The following TTN variants were observed in gnomAD, a reference collection of about 807,000 sequenced individuals.
The protein encoded by TTN is connectin.
TTN carries 1,525 observed loss-of-function variants against 3,223.0 expected under a neutral mutation model. That is an observed-to-expected ratio of 0.47 (90% CI 0.45 to 0.49). The LOEUF (loss-of-function observed/expected upper bound fraction) is 0.49, where lower values mean the gene tolerates loss of function less well. TTN is among the 20% of genes least tolerant of loss of function. The probability of loss-of-function intolerance (pLI) is 0.00; values close to 1 mark genes in which losing one functional copy is unlikely to be tolerated. For synonymous variants in TTN, 14,094 were observed against 15,161.0 expected (o/e 0.93, Z 5.17); for missense variants, 40,786 against 43,424.0 (o/e 0.94, Z 5.40).
rs749950083 is a variant in TTN, at chr2:178,563,486, G to A, written c.82646C>T (p.Ala27549Val). ...CTCACTAGGTTCTCCCACACCAGCT[G>A]CATTTTCAGCAGCAACTCTGAATTC... The part of the protein sequence containing the change: ...SYEFRVAAEN[A>V]AGVGEPSEPS... Residue 27549 changes from alanine (A) to valine (V), a missense_variant, in exon 326 of 363, where the codon GCA becomes GTA. By Grantham distance (64) the Ala-to-Val change is moderately conservative. Transcript: ENST00000589042. The surrounding 1 kb of genome is among the most constrained non-coding windows in gnomAD (Gnocchi z 4.5). 3 of 1,613,596 alleles carry A rather than the reference G, an allele frequency of 1.9e-6. No homozygotes were observed. In the Admixed American group the frequency reaches 5.0e-5, roughly 27 times the overall value.
chr2:178,779,976 G>A (rs778380758), intron 22 of TTN, 24 bp downstream of exon 22: 134 of 1,600,156 alleles, frequency 8.4e-5, no homozygotes, highest in Non-Finnish European at 1.1e-4. Context: ...AAATTGTTTG[G>A]TTGGTCATTA....
At chr2:178,578,526 G>C in intron 321 of TTN, 85 bp downstream of exon 321, 1 of 1,020,594 alleles carries the variant, frequency 9.8e-7, no homozygotes, top group Admixed American at 2.3e-5. Context: ...TAATGTTATC[G>C]ATAAGCACAT....
In TTN at chr2:178,532,538, C is replaced by A; in HGVS notation, c.104077G>T (p.Ala34693Ser). The A allele has an allele frequency of 6.2e-7, 1 of 1,613,956 alleles. No homozygotes were observed. The highest frequency in any genetic ancestry group is 1.1e-5 in the South Asian group (1 of 91,090). The change falls in exon 358 of 363, where the codon GCT becomes TCT. Residue 34693 changes from alanine to serine, a missense_variant. Physicochemically the swap from Ala to Ser is moderately conservative, Grantham distance 99. Coordinates refer to ENST00000589042, the MANE Select transcript of TTN (RefSeq NM_001267550.2). Reference protein sequence around the residue: ...LEEELELGFSASPPSRSPPHF... With the variant: ...LEEELELGFSSSPPSRSPPHF... ...GGAGGGCTTCGACTTGGGGGTGAAG[C>A]TGAAAAACCTAACTCAAGCTCTTCT...
chr2:178,799,341 T>G (rs1219182272), intron 6 of TTN, 146 bp downstream of exon 6: 2 of 1,263,030 alleles, frequency 1.6e-6, no homozygotes, highest in Non-Finnish European at 2.2e-6. Flanking sequence ...GTTTGTATGC[T>G]CCCCTAGAGG....
intron 110 of TTN, 25 bp downstream of exon 110, chr2:178,701,503 C>T (rs2074990957): frequency 6.2e-7 from 1 of 1,604,076 alleles, no homozygotes; most frequent in Non-Finnish European, 8.5e-7. Context: ...GCTCCAAGCT[C>T]AGATGTTGAG....
Position 178,536,935 on chromosome 2 carries a change from C to A in TTN, c.100171+3G>T. ...GAAGATACAGAAATCAAGTTGTACT[C>A]ACCAAATGGACTCTTAATGATCACA... On this transcript the variant is annotated splice_donor_region_variant and intron_variant, in intron 356 of 362. Transcript: ENST00000589042. 6.3e-7 allele frequency: 1 copy of A among 1,595,930 alleles called. No individual in the cohort carries two copies.
chr2:178,753,002 G>T, intron 47 of TTN, 122 bp downstream of exon 47: 1 of 723,242 alleles, frequency 1.4e-6, no homozygotes, highest in Non-Finnish European at 2.3e-6. Flanking sequence ...TATACTCTAA[G>T]AGATATATTT....
At chr2:178,703,505 C>T (rs1476042881) in intron 106 of TTN, among the ~76,000 whole-genome samples, 1 of 152,060 alleles carries the variant, frequency 6.6e-6, no homozygotes, top group South Asian at 2.1e-4. Flanking sequence ...TACGAATGGG[C>T]ACCAATAGCT....
rs1223144076 is a variant in TTN at position 178,696,003 on chromosome 2, G to C, written c.31069C>G (p.His10357Asp). 15 of 1,547,620 alleles carry C rather than the reference G, an allele frequency of 9.7e-6. No homozygotes were observed. Among genetic ancestry groups the C allele is most frequent in the Non-Finnish European group, 1.3e-5 (15 of 1,145,524 alleles). The stretch of plus-strand genomic sequence containing the variant: ...TCAAAATCTTCTTCCCATTCCTCGT[G>C]AACTTCTTTTTTAGCTTCTACCTTA... The part of the protein sequence containing the change: ...EIKVEAKKEV[H>D]EEWEEDFEEG... Residue 10357 changes from histidine to aspartate, a missense_variant, in exon 114 of 363, where the codon CAC (histidine) becomes GAC (aspartate). Physicochemically the swap from His to Asp is moderately conservative, Grantham distance 81 (BLOSUM62 -1). Transcript: ENST00000589042.
chr2:178,739,587 G>A lies in TTN; in HGVS notation c.13646C>T (p.Ala4549Val), dbSNP rs1560895836. The A allele has an allele frequency of 6.2e-7, 1 of 1,613,752 alleles. No individual in the cohort carries two copies. The highest frequency in any genetic ancestry group is 2.2e-5 in the East Asian group (1 of 44,826). Residue 4549 changes from alanine to valine, a missense_variant, in exon 48 of 363, where the codon GCC becomes GTC. Coordinates refer to ENST00000589042, the MANE Select transcript of TTN (RefSeq NM_001267550.2). ...NVQSRVKYLD[A>V]TPVTKGVASA... ...AGCAACCCCTTTAGTGACAGGTGTG[G>A]CATCCAAATATTTAACCCTACTTTG...
At chr2:178,604,399 T>C (rs1436091076) in intron 281 of TTN, 94 bp from the exon 282 acceptor site, 3 of 1,049,586 alleles carry the variant, frequency 2.9e-6, no homozygotes, top group Non-Finnish European at 3.8e-6. Context: ...GAGGGATGAC[T>C]GTAAGAAGAA....
intron 1 of TTN, 62 bp from the exon 2 acceptor site, chr2:178,804,717 G>T: frequency 6.9e-7 from 1 of 1,455,862 alleles, no homozygotes; most frequent in South Asian, 1.2e-5. Flanking sequence ...GAGCTGCTTT[G>T]CAGATAGCAG....
In TTN at chr2:178,740,395, C is replaced by T. The variant is rs1043883299; in HGVS notation, c.12838G>A (p.Val4280Ile). The change falls in exon 48 of 363, where the codon GTC becomes ATC. Residue 4280 changes from valine to isoleucine, a missense_variant. Transcript: ENST00000589042. Reference protein sequence around the residue: ...GHVESLQSPDVMISQVNYEPL... With the variant: ...GHVESLQSPDIMISQVNYEPL... ...TCATAGTTTACCTGAGAGATCATGA[C>T]ATCAGGACTCTGGAGACTCTCCACG... 4.3e-6 allele frequency: 7 copies of T among 1,613,156 alleles called. No homozygotes were observed. The African/African-American group carries it at 8.0e-5, about 18-fold the overall frequency.
Position 178,533,863 on chromosome 2 carries a change from A to T in TTN, c.102752T>A (p.Met34251Lys), listed in dbSNP as rs750864230. Residue 34251 changes from methionine to lysine, a missense_variant, in exon 358 of 363, where the codon ATG (methionine) becomes AAG (lysine). Coordinates refer to ENST00000589042, the MANE Select transcript of TTN (RefSeq NM_001267550.2). ...TTCTGGTGGCCTTTCCAGGAGTCTC[A>T]TTGTGTCTGTTCTGCGCTTAATTTT... ...MKKIKRRTDT[M>K]RLLERPPEFT... is the part of the protein sequence containing the mutation. The T allele has an allele frequency of 3.7e-5, 60 of 1,613,728 alleles. 1 individual carries two copies. The Admixed American group carries it at 9.8e-4, about 26-fold the overall frequency.
rs1400528867 is a variant in TTN at position 178,602,062 on chromosome 2, C to T, written c.55209G>A (p.Lys18403=). The part of the protein sequence containing the change: ...GSQIRIPAVI[K]GRPTPKSSWE... ...AAGATGATTTTGGTGTTGGGCGTCCCTTGATGACAGCAGGAATCCTAATCT... is the reference window on the plus strand; with the variant it reads ...AAGATGATTTTGGTGTTGGGCGTCCTTTGATGACAGCAGGAATCCTAATCT... Residue 18403 remains lysine, a synonymous_variant, in exon 284 of 363, where the codon AAG becomes AAA. Transcript: ENST00000589042. The T allele has an allele frequency of 1.2e-6, 2 of 1,612,602 alleles. No individual in the cohort carries two copies. Among genetic ancestry groups the T allele is most frequent in the Non-Finnish European group, 1.7e-6 (2 of 1,179,226 alleles).
intron 26 of TTN, 48 bp from the exon 27 acceptor site, chr2:178,777,365 G>C (rs2092343615): frequency 6.2e-7 from 1 of 1,612,718 alleles, no homozygotes; most frequent in Admixed American, 1.7e-5. Context: ...TGAAATACCT[G>C]TTTATAACCC....
Position 178,574,192 on chromosome 2 carries a change from C to T in TTN, c.71940G>A (p.Leu23980=), listed in dbSNP as rs72646893. Residue 23980 remains leucine (L), a synonymous_variant, in exon 326 of 363, where the codon TTG becomes TTA. Coordinates refer to ENST00000589042, the MANE Select transcript of TTN (RefSeq NM_001267550.2). ...RWLKANFSNI[L]ENEFTVSGLT... ...GGCCACTGACTGTAAATTCATTCTC[C>T]AAAATGTTGCTGAAGTTGGCCTTCA... 2,303 of 1,613,472 alleles carry T rather than the reference C, an allele frequency of 1.4e-3. 30 individuals carry two copies. The African/African-American group carries it at 0.027, about 19-fold the overall frequency.
intron 124 of TTN, 72 bp from the exon 125 acceptor site, chr2:178,689,208 C>T: frequency 6.3e-7 from 1 of 1,586,044 alleles, no homozygotes; most frequent in Non-Finnish European, 8.6e-7. Flanking sequence ...CAAAGAAATA[C>T]ACCCACAGTG....
chr2:178,715,573 A>G lies in TTN; in HGVS notation c.25841T>C (p.Val8614Ala). ...VAVLEMHNLSVEDSGDYTCEA... is the reference protein window; with the variant it reads ...VAVLEMHNLSAEDSGDYTCEA... Reference sequence around the variant, plus strand: ...ACAGGTGTAGTCTCCACTGTCTTCAACACTGAGATTGTGCATTTCCAGCAC... The same window carrying G: ...ACAGGTGTAGTCTCCACTGTCTTCAGCACTGAGATTGTGCATTTCCAGCAC... The change falls in exon 89 of 363, where the codon GTT (valine) becomes GCT (alanine). Residue 8614 changes from valine to alanine, a missense_variant. By Grantham distance (64) the Val-to-Ala change is moderately conservative. Transcript: ENST00000589042. 6.2e-7 allele frequency: 1 copy of G among 1,613,622 alleles called. No individual in the cohort carries two copies. The highest frequency in any genetic ancestry group is 1.1e-5 in the South Asian group (1 of 91,064).
Sources: allele counts gnomAD v4.1 joint callset (sites outside exome capture counted in the v4.1 genomes callset), GRCh38; gene constraint gnomAD v4.1.1; non-coding constraint Gnocchi (gnomAD v3.1); transcripts MANE v1.5; gene names NCBI Gene and HGNC (gene_info 2026-07-23, HGNC 2026-07-21).